The following MACROD2 variants were observed in gnomAD, a reference collection of about 807,000 sequenced individuals.
The protein encoded by MACROD2 is ADP-ribose glycohydrolase MACROD2.
A neutral mutation model predicts 70.4 loss-of-function variants in MACROD2; 36 were observed. That is an observed-to-expected ratio of 0.51 (90% confidence interval 0.39 to 0.68). The LOEUF is 0.68. Among genes scored for constraint, MACROD2 ranks in the 30% least tolerant of loss-of-function variants. MACROD2 has a pLI of 0.00. For missense variants in MACROD2, 496 were observed against 538.4 expected (o/e 0.92, Z 0.78); for synonymous variants, 172 against 178.8 (o/e 0.96, Z 0.30).
chr20:15,389,052 G>C (rs147064608), intron 6 of MACROD2, among the ~76,000 whole-genome samples: 1,986 of 152,258 alleles, frequency 0.013, 23 homozygotes, highest in Non-Finnish European at 0.02. Flanking sequence ...AGTATCACTG[G>C]TGGTTTCATC....
intron 3 of MACROD2, among the ~76,000 whole-genome samples, chr20:14,258,384 C>G (rs752904186): frequency 1.5e-5 from 2 of 129,518 alleles, no homozygotes; most frequent in Admixed American, 8.0e-5. Flanking sequence ...TTGCCAACAT[C>G]TATTATTTTT....
intron 4 of MACROD2, among the ~76,000 whole-genome samples, chr20:14,659,015 C>T (rs1225677986): frequency 6.6e-6 from 1 of 152,170 alleles, no homozygotes; most frequent in African/African-American, 2.4e-5. Context: ...TTGGATTCCA[C>T]CTCTAGAGTT....
chr20:15,887,604 C>T (rs966216491), intron 10 of MACROD2, among the ~76,000 whole-genome samples: 4 of 152,122 alleles, frequency 2.6e-5, no homozygotes, highest in African/African-American at 9.7e-5. Flanking sequence ...CAACCAATAA[C>T]AGACAGGAAT....
At chr20:15,921,689 C>T (rs1346472107) in intron 10 of MACROD2, among the ~76,000 whole-genome samples, 1 of 152,182 alleles carries the variant, frequency 6.6e-6, no homozygotes, top group East Asian at 1.9e-4. Flanking sequence ...ACTATATTTG[C>T]GTAATTATTT....
intron 7 of MACROD2, among the ~76,000 whole-genome samples, chr20:15,477,242 A>G (rs2047035503): frequency 6.6e-6 from 1 of 151,972 alleles, no homozygotes; most frequent in East Asian, 1.9e-4. Flanking sequence ...CTGGGACTAC[A>G]GGCACGCACC....
rs192595982 is a variant in MACROD2 at position 15,065,004 on chromosome 20, A to G, written c.419-164936A>G. Among the ~76,000 whole-genome samples, 11 of 152,230 alleles carry G rather than the reference A, an allele frequency of 7.2e-5. No individual in the cohort carries two copies. The East Asian group carries it at 1.7e-3, about 24-fold the overall frequency. On this transcript the variant is annotated intron_variant, in intron 5 of 17. Coordinates refer to ENST00000684519, the MANE Select transcript of MACROD2 (RefSeq NM_001351661.2). Reference sequence around the variant, plus strand: ...TGAATAGCCACGTACATTATCTTATACTGCAGTTCAGAGTAGTTGGTAAAC... The same window carrying G: ...TGAATAGCCACGTACATTATCTTATGCTGCAGTTCAGAGTAGTTGGTAAAC...
At chr20:14,007,948 T>C (rs150610748) in intron 2 of MACROD2, among the ~76,000 whole-genome samples, 1 of 152,298 alleles carries the variant, frequency 6.6e-6, no homozygotes, top group East Asian at 1.9e-4. Flanking sequence ...ATTATAAAAT[T>C]ATCTTATACT....
chr20:15,946,163 G>A (rs887872366), intron 12 of MACROD2, among the ~76,000 whole-genome samples: 7 of 152,170 alleles, frequency 4.6e-5, no homozygotes, highest in African/African-American at 1.2e-4. Context: ...GACCCTGCAC[G>A]TGCCTTACGC....
intron 5 of MACROD2, among the ~76,000 whole-genome samples, chr20:14,862,522 TATAA>T (rs1568840894): frequency 3.6e-5 from 1 of 27,894 alleles, no homozygotes; most frequent in African/African-American, 1.3e-4. Context: ...TATATATAAA[TATAA>T]ATATATATAA....
intron 8 of MACROD2, among the ~76,000 whole-genome samples, chr20:15,746,562 T>TAAAAAAAA (rs536288457): frequency 5.6e-5 from 6 of 107,078 alleles, no homozygotes; most frequent in Admixed American, 9.9e-5. Flanking sequence ...TGGTTTCCAG[T>TAAAAAAAA]AAAAAAAAAA....
At chr20:14,040,644 T>A (rs1424428447) in intron 2 of MACROD2, among the ~76,000 whole-genome samples, 6 of 152,174 alleles carry the variant, frequency 3.9e-5, no homozygotes, top group African/African-American at 1.4e-4. Flanking sequence ...GGTGAGTGAA[T>A]GTGAAGTCCT....
chr20:16,029,074 C>T (rs1177516539), intron 15 of MACROD2, among the ~76,000 whole-genome samples: 3 of 152,136 alleles, frequency 2.0e-5, no homozygotes, highest in Admixed American at 2.0e-4. Context: ...CATAGACAGC[C>T]GTCTTCTCAC....
At chr20:14,809,683 C>A (rs2072685087) in intron 5 of MACROD2, among the ~76,000 whole-genome samples, 1 of 151,764 alleles carries the variant, frequency 6.6e-6, no homozygotes, top group South Asian at 2.1e-4. Flanking sequence ...AAATAGACTG[C>A]TAGCCAGACT....
At chr20:15,135,620 C>A (rs1272498553) in intron 5 of MACROD2, among the ~76,000 whole-genome samples, 2 of 127,074 alleles carry the variant, frequency 1.6e-5, no homozygotes, top group Admixed American at 8.2e-5. Context: ...ACTGAATGGG[C>A]AAAAACTGGA....
intron 5 of MACROD2, among the ~76,000 whole-genome samples, chr20:14,723,866 G>T (rs1240358001): frequency 6.6e-6 from 1 of 151,984 alleles, no homozygotes; most frequent in Non-Finnish European, 1.5e-5. Context: ...CACTCTTCTA[G>T]TGGTTTCCAT....
At chr20:15,232,595 C>T (rs1330049799) in intron 6 of MACROD2, among the ~76,000 whole-genome samples, 1 of 152,004 alleles carries the variant, frequency 6.6e-6, no homozygotes, top group Non-Finnish European at 1.5e-5. Context: ...GAATGGAATT[C>T]TCTGAAAAGT....
At chr20:14,957,284 A>AT (rs1325688362) in intron 5 of MACROD2, among the ~76,000 whole-genome samples, 1 of 152,066 alleles carries the variant, frequency 6.6e-6, no homozygotes, top group East Asian at 1.9e-4. Context: ...AGAAACATTG[A>AT]TTTTCCCCAC....
At chr20:15,104,335 A>C (rs1007454439) in intron 5 of MACROD2, among the ~76,000 whole-genome samples, 1 of 152,132 alleles carries the variant, frequency 6.6e-6, no homozygotes, top group Non-Finnish European at 1.5e-5. Context: ...TATCCACAGC[A>C]AGCAGAGTCC....
Position 15,748,463 on chromosome 20 carries a change from G to A in MACROD2, c.646-114282G>A, listed in dbSNP as rs576735453. The stretch of plus-strand genomic sequence containing the variant: ...CAGAAAACTTCTCTATTATCCCCTC[G>A]GATTTGGGGCTTGTGGTGGAATATA... On this transcript the variant is annotated intron_variant, in intron 8 of 17. Coordinates refer to ENST00000684519, the MANE Select transcript of MACROD2 (RefSeq NM_001351661.2). 8.0e-5 allele frequency among the ~76,000 whole-genome samples: 12 copies of A among 150,644 alleles called. No homozygotes were observed. The East Asian group carries it at 1.6e-3, about 20-fold the overall frequency.
Sources: allele counts gnomAD v4.1 joint callset (sites outside exome capture counted in the v4.1 genomes callset), GRCh38; gene constraint gnomAD v4.1.1; transcripts MANE v1.5; gene names NCBI Gene and HGNC (gene_info 2026-07-23, HGNC 2026-07-21).